The following EIF3I variants were observed in gnomAD, a reference collection of about 807,000 sequenced individuals.
The protein encoded by EIF3I is eukaryotic translation initiation factor 3 subunit I, also known as TGF-beta receptor-interacting protein 1.
EIF3I carries 20 observed loss-of-function variants against 43.3 expected under a neutral mutation model. The observed-to-expected ratio is 0.46, with a 90% CI of 0.32 to 0.67. The LOEUF (loss-of-function observed/expected upper bound fraction) is 0.67. Among genes scored for constraint, EIF3I ranks in the 30% least tolerant of loss-of-function variants. EIF3I has a pLI of 0.03. For missense variants in EIF3I, 279 were observed against 421.4 expected, an observed-to-expected ratio of 0.66 and a Z score of 2.96; for synonymous variants, 167 against 151.7, an observed-to-expected ratio of 1.10 and a Z score of -0.74.
intron 6 of EIF3I, 96 bp from the exon 7 acceptor site, chr1:32,228,403 A>G: frequency 1.0e-6 from 1 of 985,682 alleles, no homozygotes; most frequent in East Asian, 2.4e-5. Context: ...CACAAAGTCC[A>G]TGCTGTCTCA....
intron 8 of EIF3I, 61 bp from the exon 9 acceptor site, chr1:32,229,074 G>GA: frequency 6.4e-7 from 1 of 1,559,984 alleles, no homozygotes; most frequent in Non-Finnish European, 8.7e-7. Context: ...TATGGCAGCA[G>GA]AAAAACACAA....
chr1:32,223,755 C>T (rs928798631), intron 2 of EIF3I, among the ~76,000 whole-genome samples: 7 of 152,206 alleles, frequency 4.6e-5, no homozygotes, highest in Admixed American at 2.6e-4. Flanking sequence ...TGGAGCTCAA[C>T]TTGGCCTTTT....
downstream of EIF3I, chr1:32,231,482 A>C: frequency 2.8e-5 from 7 of 247,868 alleles, no homozygotes; most frequent in South Asian, 2.0e-4. Flanking sequence ...CAAGAGCAAA[A>C]CTCCGTCTCA....
At chr1:32,232,479 C>T (rs1199859494), downstream of EIF3I, among the ~76,000 whole-genome samples, 1 of 152,176 alleles carries the variant, frequency 6.6e-6, no homozygotes, top group African/African-American at 2.4e-5. Context: ...TGAGTCTCAA[C>T]AGACCTAGCA....
At chr1:32,234,141 T>G (rs1400385431), downstream of EIF3I, 1 of 151,800 alleles carries the variant, frequency 6.6e-6, no homozygotes, top group East Asian at 1.9e-4. Flanking sequence ...ATACTAAAAG[T>G]ATAAAAATTA....
At chr1:32,228,125 G>A (rs1639175248) in intron 6 of EIF3I, among the ~76,000 whole-genome samples, 1 of 152,234 alleles carries the variant, frequency 6.6e-6, no homozygotes, top group Admixed American at 6.5e-5. Flanking sequence ...GGAGTCTTCA[G>A]AAACCCTTGG....
intron 8 of EIF3I, 34 bp from the exon 9 acceptor site, chr1:32,229,098 TCCA>T: frequency 6.3e-7 from 1 of 1,586,614 alleles, no homozygotes; most frequent in Non-Finnish European, 8.6e-7. Flanking sequence ...GGACTTGGTG[TCCA>T]TTGGTCCCAT....
At chr1:32,223,919 TAAAC>T in intron 2 of EIF3I, 111 bp from the exon 3 acceptor site, 3 of 874,872 alleles carry the variant, frequency 3.4e-6, no homozygotes, top group Admixed American at 4.1e-5. Context: ...TCCCAAGAAA[TAAAC>T]AGAAGAGGGC....
At chr1:32,230,338 G>A (rs2124268625) in exon 10 of EIF3I, among the ~76,000 whole-genome samples, 1 of 152,128 alleles carries the variant, frequency 6.6e-6, no homozygotes, top group Non-Finnish European at 1.5e-5. Context: ...GGGCTCAAGC[G>A]ATCCTTCTAC....
rs764388013 is a variant in EIF3I at position 32,228,780 on chromosome 1, T to G, written c.693T>G (p.Pro231=). The G allele has an allele frequency of 5.0e-6, 8 of 1,614,172 alleles. No homozygotes were observed. In the Admixed American group the frequency reaches 6.7e-5, roughly 13 times the overall value. ...AGAAGACTTTCCGGACAGAACGTCC[T>G]GTCAACTCAGCTGCCCTCTCCCCCA... Residue 231 remains proline (P), a synonymous_variant, in exon 8 of 12, where the codon CCT becomes CCG. Transcript: ENST00000676679.
intron 3 of EIF3I, 60 bp from the exon 4 acceptor site, chr1:32,224,350 G>C: frequency 7.0e-7 from 1 of 1,430,186 alleles, no homozygotes; most frequent in Non-Finnish European, 9.9e-7. Flanking sequence ...TGATTCACTT[G>C]GCATCCCAAG....
downstream of EIF3I, among the ~76,000 whole-genome samples, chr1:32,235,675 C>G (rs1639290444): frequency 6.6e-6 from 1 of 152,160 alleles, no homozygotes; most frequent in African/African-American, 2.4e-5. Context: ...ACTCAAGACC[C>G]TTTGAGAAAG....
At chr1:32,229,161 C>A in exon 9 of EIF3I, 6 of 1,614,150 alleles carry the variant, frequency 3.7e-6, no homozygotes, top group Non-Finnish European at 4.2e-6. Context: ...GTCAGGAAGC[C>A]ATGGATGTAA....
At position 32,230,317 on chromosome 1, in the gene EIF3I, C is replaced by T. The variant is rs575716367; in HGVS notation, c.855C>T (p.Thr285=). 4.6e-5 allele frequency among the ~76,000 whole-genome samples: 7 copies of T among 152,196 alleles called. No individual in the cohort carries two copies. The East Asian group carries it at 1.4e-3, about 30-fold the overall frequency. ...GTGCAGTGGCACCATCTCTGCTCAC[C>T]GCAACCTCCTGGGCTCAAGCGATCC... The change falls in exon 10 of 12, where the codon ACC becomes ACT. Residue 285 remains threonine (T), a synonymous_variant. Coordinates refer to ENST00000676679, the Ensembl canonical transcript of EIF3I.
intron 6 of EIF3I, 119 bp from the exon 7 acceptor site, chr1:32,228,380 G>T (rs993471284): frequency 4.0e-6 from 3 of 750,352 alleles, no homozygotes; most frequent in South Asian, 1.6e-5. Context: ...TAGGATAGAG[G>T]GGGTGAGGAA....
chr1:32,231,852 C>G (rs978597126), downstream of EIF3I: 1 of 152,756 alleles, frequency 6.5e-6, no homozygotes, highest in African/African-American at 2.4e-5. Context: ...AATAGGGGCT[C>G]GGCTGAAGCA....
intron 4 of EIF3I, among the ~76,000 whole-genome samples, chr1:32,224,740 G>A (rs1016975855): frequency 6.7e-6 from 1 of 149,034 alleles, no homozygotes; most frequent in African/African-American, 2.5e-5. Flanking sequence ...GCACTATCTC[G>A]GCTCACTGCA....
chr1:32,223,387 G>A (rs1054117838), intron 2 of EIF3I, among the ~76,000 whole-genome samples: 3 of 152,146 alleles, frequency 2.0e-5, no homozygotes, highest in Non-Finnish European at 4.4e-5. Flanking sequence ...AGGTTCAAGC[G>A]ATTCTCCTGC....
At chr1:32,228,082 A>G (rs1413358452) in intron 6 of EIF3I, among the ~76,000 whole-genome samples, 4 of 152,260 alleles carry the variant, frequency 2.6e-5, no homozygotes, top group South Asian at 2.1e-4. Context: ...CAAAAGGAAC[A>G]GCAAAGGCAA....
Sources: gnomAD v4.1 joint callset for allele counts (sites outside exome capture counted in the v4.1 genomes callset) on GRCh38, gnomAD v4.1.1 for gene constraint, MANE v1.5 for transcripts, NCBI Gene and HGNC (gene_info 2026-07-23, HGNC 2026-07-21) for gene names.